Variants in ABHD18 observed in about 807,000 individuals in gnomAD.
ABHD18 encodes abhydrolase domain containing 18, also known as cardiolipin-specific deacylase, mitochondrial.
In ABHD18, 55 loss-of-function variants were observed where a neutral mutation model predicts 65.9. The ratio of observed to expected loss-of-function variants is 0.84; its 90% confidence interval spans 0.67 to 1.05. The LOEUF (loss-of-function observed/expected upper bound fraction) is 1.05, where lower values mean the gene tolerates loss of function less well. ABHD18 is among the 50% of genes least tolerant of loss of function. The pLI is 0.00. For synonymous variants in ABHD18, 181 were observed against 180.2 expected, an observed-to-expected ratio of 1.00 and a Z score of -0.04; for missense variants, 533 against 558.5, an observed-to-expected ratio of 0.95 and a Z score of 0.46.
At chr4:128,001,525 G>T (rs934539377) in intron 4 of ABHD18, among the ~76,000 whole-genome samples, 8 of 152,214 alleles carry the variant, frequency 5.3e-5, no homozygotes, top group Admixed American at 5.2e-4. Context: ...TGCTAGTGTT[G>T]TCCTTATAGC....
intron 12 of ABHD18, among the ~76,000 whole-genome samples, chr4:128,032,079 G>C (rs1291754910): frequency 6.6e-6 from 1 of 152,110 alleles, no homozygotes; most frequent in Non-Finnish European, 1.5e-5. Flanking sequence ...TAGCTAAGAC[G>C]TATTAGGAAG....
chr4:128,013,718 G>C (rs1161948675), intron 7 of ABHD18, among the ~76,000 whole-genome samples: 1 of 151,692 alleles, frequency 6.6e-6, no homozygotes, highest in Non-Finnish European at 1.5e-5. Flanking sequence ...AAAAAGTTCT[G>C]ACTTGGATGT....
rs745476903 is a variant in ABHD18 at position 128,021,155 on chromosome 4, A to G, written c.718A>G (p.Ile240Val). ...ATTTCAGGGTGTGTTGAGTAAATCA[A>G]TTAATTGGAGGGAGCTGGAAAAGCA... Reference protein sequence around the residue: ...VFTTGVLSKSINWRELEKQYY... With the variant: ...VFTTGVLSKSVNWRELEKQYY... The change falls in exon 10 of 13, where the codon ATT becomes GTT. Residue 240 changes from isoleucine (I) to valine (V), a missense_variant. By Grantham distance (29) the Ile-to-Val change is conservative. Transcript: ENST00000645843. 4 of 1,547,228 alleles carry G rather than the reference A, an allele frequency of 2.6e-6. No homozygotes were observed. In the South Asian group the frequency reaches 4.8e-5, roughly 18 times the overall value.
chr4:127,996,722 GAC>G (rs373402658), intron 4 of ABHD18, among the ~76,000 whole-genome samples: 35 of 152,278 alleles, frequency 2.3e-4, no homozygotes, highest in Middle Eastern at 3.4e-3. Flanking sequence ...GCATAAGACA[GAC>G]ACTCCCAGAG....
intron 12 of ABHD18, among the ~76,000 whole-genome samples, chr4:128,034,901 C>T (rs1205868359): frequency 6.6e-6 from 1 of 152,186 alleles, no homozygotes; most frequent in African/African-American, 2.4e-5. Flanking sequence ...ATCCGCCTGC[C>T]TCGGCCTCCC....
intron 8 of ABHD18, among the ~76,000 whole-genome samples, chr4:128,017,763 C>G (rs560400736): frequency 2.1e-4 from 32 of 152,152 alleles, no homozygotes; most frequent in Non-Finnish European, 4.0e-4. Context: ...TTTCAAGTCT[C>G]AAGTATAAAT....
rs968992070 is a variant in ABHD18, at chr4:128,037,274, A to C, written c.*1461A>C. 2 of 152,134 alleles carry C rather than the reference A, an allele frequency of 1.3e-5. No homozygotes were observed. Among genetic ancestry groups the C allele is most frequent in the Non-Finnish European group, 2.9e-5 (2 of 68,086 alleles). 9.4% of individuals were successfully genotyped at this position (152,134 alleles called of 1,614,324 possible). ...TCGCACCACTGCACTCCAGCCTAGG[A>C]GAAGGAGCAAGACTCTGTCTCAAAA... is the stretch of plus-strand genomic sequence containing the variant. On this transcript the variant is annotated 3_prime_UTR_variant, in exon 13 of 13. Transcript: ENST00000645843.
At chr4:127,981,958 C>T (rs909035529) in intron 1 of ABHD18, among the ~76,000 whole-genome samples, 3 of 152,048 alleles carry the variant, frequency 2.0e-5, no homozygotes, top group African/African-American at 7.2e-5. Flanking sequence ...GCTAGTCCAA[C>T]CATAAAATCA....
chr4:128,014,637 T>C (rs1234533840), intron 7 of ABHD18, among the ~76,000 whole-genome samples: 3 of 152,126 alleles, frequency 2.0e-5, no homozygotes, highest in African/African-American at 7.2e-5. Context: ...TCATAAGAAA[T>C]GGCTTACTGA....
At chr4:128,018,480 GT>G (rs1293734053) in intron 8 of ABHD18, among the ~76,000 whole-genome samples, 1 of 151,878 alleles carries the variant, frequency 6.6e-6, no homozygotes, top group Non-Finnish European at 1.5e-5. Flanking sequence ...AAAAAAAATT[GT>G]TTAAAAAATT....
At chr4:128,025,202 C>G (rs1757170822) in intron 10 of ABHD18, among the ~76,000 whole-genome samples, 1 of 151,864 alleles carries the variant, frequency 6.6e-6, no homozygotes, top group Non-Finnish European at 1.5e-5. Flanking sequence ...CTTTTTTTAT[C>G]TTTTTCTTTT....
chr4:127,974,997 C>CAAAA (rs34068699), intron 1 of ABHD18, among the ~76,000 whole-genome samples: 50 of 88,036 alleles, frequency 5.7e-4, no homozygotes, highest in Non-Finnish European at 6.9e-4. Context: ...AACTGTGTCT[C>CAAAA]AAAAAAAAAA....
At chr4:127,988,932 G>T (rs1460394488) in intron 3 of ABHD18, among the ~76,000 whole-genome samples, 1 of 152,134 alleles carries the variant, frequency 6.6e-6, no homozygotes, top group Non-Finnish European at 1.5e-5. Flanking sequence ...GGGTATATAT[G>T]AAAAAGAAAG....
chr4:127,982,079 A>T (rs1312180486), intron 1 of ABHD18, among the ~76,000 whole-genome samples: 1 of 152,198 alleles, frequency 6.6e-6, no homozygotes, highest in Non-Finnish European at 1.5e-5. Flanking sequence ...AAAATAGAAG[A>T]TAAAAGGGAT....
At chr4:127,978,491 GTA>G (rs2149058292) in intron 1 of ABHD18, among the ~76,000 whole-genome samples, 1 of 152,274 alleles carries the variant, frequency 6.6e-6, no homozygotes, top group African/African-American at 2.4e-5. Flanking sequence ...CAGAATACAT[GTA>G]AATATAATTT....
At chr4:127,980,952 A>T (rs1165166623) in intron 1 of ABHD18, among the ~76,000 whole-genome samples, 6 of 151,886 alleles carry the variant, frequency 4.0e-5, no homozygotes, top group Non-Finnish European at 4.4e-5. Context: ...AACAGTATTT[A>T]ATTTTTTTTT....
At chr4:128,011,299 C>T (rs1290390878) in intron 6 of ABHD18, among the ~76,000 whole-genome samples, 2 of 151,930 alleles carry the variant, frequency 1.3e-5, no homozygotes, top group African/African-American at 4.8e-5. Context: ...CAGGCGCCCG[C>T]CACCTCGCCC....
intron 1 of ABHD18, among the ~76,000 whole-genome samples, chr4:127,976,693 G>T (rs1254304438): frequency 3.9e-5 from 6 of 152,120 alleles, no homozygotes; most frequent in Non-Finnish European, 8.8e-5. Context: ...TTTCCATGAG[G>T]AATTCTACTA....
In ABHD18 at chr4:128,028,837, T is replaced by G. The variant is rs746113225; in HGVS notation, c.1164T>G (p.His388Gln). 1 of 1,552,888 alleles carries G rather than the reference T, an allele frequency of 6.4e-7. No individual in the cohort carries two copies. Among genetic ancestry groups the G allele is most frequent in the Non-Finnish European group, 8.7e-7 (1 of 1,153,588 alleles). ...FMKGVMDECT[H>Q]VANFSVPVDP... ...AAGGAGTCATGGATGAATGTACTCATGTAGCAAATTTCTCAGGTACTAATT... is the reference window on the plus strand; with the variant it reads ...AAGGAGTCATGGATGAATGTACTCAGGTAGCAAATTTCTCAGGTACTAATT... The change falls in exon 11 of 13, where the codon CAT becomes CAG. Residue 388 changes from histidine to glutamine, a missense_variant. Physicochemically the swap from His to Gln is conservative, Grantham distance 24. Coordinates refer to ENST00000645843, the MANE Select transcript of ABHD18 (RefSeq NM_001358451.3).
Sources: allele counts gnomAD v4.1 joint callset (sites outside exome capture counted in the v4.1 genomes callset), GRCh38; gene constraint gnomAD v4.1.1; transcripts MANE v1.5; gene names NCBI Gene and HGNC (gene_info 2026-07-23, HGNC 2026-07-21).